LEF1: variants seen among roughly 807,000 people sequenced by gnomAD.
LEF1 encodes lymphoid enhancer binding factor 1, also known as lymphoid enhancer-binding factor 1.
LEF1 carries 14 observed loss-of-function variants against 51.2 expected under a neutral mutation model. The observed-to-expected ratio is 0.27, with a 90% CI of 0.18 to 0.43. LEF1 has a LOEUF of 0.43. Ranked by LOEUF, LEF1 falls within the 20% of genes least tolerant of loss-of-function variation. LEF1 has a pLI of 1.00. For synonymous variants in LEF1, 185 were observed against 183.2 expected (o/e 1.01, Z -0.08); for missense variants, 386 against 512.0 (o/e 0.75, Z 2.37).
At chr4:108,110,821 GGCT>G (rs1374986176) in intron 3 of LEF1, among the ~76,000 whole-genome samples, 2 of 152,144 alleles carry the variant, frequency 1.3e-5, no homozygotes, top group Non-Finnish European at 2.9e-5. Flanking sequence ...AGCCCTTCAT[GGCT>G]GCTTAGTAAG....
chr4:108,149,185 C>T (rs999711478), intron 3 of LEF1, among the ~76,000 whole-genome samples: 8 of 152,206 alleles, frequency 5.3e-5, no homozygotes, highest in African/African-American at 1.2e-4. Context: ...ATTGGCCGGG[C>T]GCGGTGGCTC....
chr4:108,119,121 A>T (rs1330868216), intron 3 of LEF1, among the ~76,000 whole-genome samples: 2 of 148,992 alleles, frequency 1.3e-5, no homozygotes, highest in Non-Finnish European at 3.0e-5. Context: ...CAAGCAGGTC[A>T]GCTATACAGA....
intron 3 of LEF1, among the ~76,000 whole-genome samples, chr4:108,150,581 A>T (rs1744309222): frequency 1.3e-5 from 2 of 152,206 alleles, no homozygotes; most frequent in Non-Finnish European, 2.9e-5. Context: ...GATACCTTTA[A>T]TCCTCAAAGT....
intron 3 of LEF1, among the ~76,000 whole-genome samples, chr4:108,116,200 G>C (rs1363326614): frequency 1.3e-5 from 2 of 152,114 alleles, no homozygotes; most frequent in African/African-American, 4.8e-5. Flanking sequence ...GGACTCAGCT[G>C]ACAGGAAAGA....
intron 10 of LEF1, among the ~76,000 whole-genome samples, chr4:108,063,932 CAA>C (rs1328593270): frequency 4.6e-5 from 7 of 152,092 alleles, no homozygotes; most frequent in Admixed American, 4.6e-4. Context: ...ACCCAAATCA[CAA>C]AAGAGATTCT....
intron 4 of LEF1, among the ~76,000 whole-genome samples, chr4:108,084,531 C>G (rs72894354): frequency 0.033 from 4,951 of 152,204 alleles, 265 homozygotes; most frequent in African/African-American, 0.11. Flanking sequence ...ATACTGAAAG[C>G]CTTCACATTG....
intron 3 of LEF1, among the ~76,000 whole-genome samples, chr4:108,159,991 G>C (rs1744966903): frequency 6.6e-6 from 1 of 152,216 alleles, no homozygotes; most frequent in Non-Finnish European, 1.5e-5. Context: ...ATTGTGGTTT[G>C]ATGTGACTGA....
chr4:108,105,692 C>A (rs1035918259), intron 3 of LEF1, among the ~76,000 whole-genome samples: 3 of 152,044 alleles, frequency 2.0e-5, no homozygotes, highest in Non-Finnish European at 4.4e-5. Context: ...TCTCTATAGA[C>A]CTGGTGAAAT....
At chr4:108,138,184 C>T (rs551899794) in intron 3 of LEF1, among the ~76,000 whole-genome samples, 1 of 152,054 alleles carries the variant, frequency 6.6e-6, no homozygotes, top group African/African-American at 2.4e-5. Flanking sequence ...TGTGGAATTT[C>T]GAATATCAAA....
At chr4:108,160,903 C>T (rs573187697) in intron 3 of LEF1, among the ~76,000 whole-genome samples, 2 of 152,122 alleles carry the variant, frequency 1.3e-5, no homozygotes, top group African/African-American at 4.8e-5. Flanking sequence ...GTCCCTCCCC[C>T]ACCCCAGGTG....
intron 4 of LEF1, among the ~76,000 whole-genome samples, 185 bp from the exon 5 acceptor site, chr4:108,083,631 C>A (rs1174306972): frequency 6.6e-6 from 1 of 152,168 alleles, no homozygotes; most frequent in Non-Finnish European, 1.5e-5. Context: ...GAAAACTGGG[C>A]CTTCAGAGAG....
At chr4:108,154,735 T>C (rs1169208703) in intron 3 of LEF1, among the ~76,000 whole-genome samples, 1 of 152,152 alleles carries the variant, frequency 6.6e-6, no homozygotes, top group Non-Finnish European at 1.5e-5. Flanking sequence ...TTTCCCTCGA[T>C]CCAGGTCATT....
At chr4:108,106,200 G>A (rs1741155600) in intron 3 of LEF1, among the ~76,000 whole-genome samples, 1 of 152,166 alleles carries the variant, frequency 6.6e-6, no homozygotes, top group Admixed American at 6.5e-5. Context: ...GCTATCCCAA[G>A]GAAGCATGAC....
chr4:108,152,199 A>T (rs1216477230), intron 3 of LEF1, among the ~76,000 whole-genome samples: 1 of 152,212 alleles, frequency 6.6e-6, no homozygotes, highest in Admixed American at 6.5e-5. Context: ...TTAAGGATGG[A>T]CAAGACCCTG....
In LEF1 at chr4:108,048,551, A is replaced by G. The variant is rs565809554; in HGVS notation, c.*207T>C. 1.9e-6 allele frequency: 1 copy of G among 521,550 alleles called. No individual in the cohort carries two copies. The highest frequency in any genetic ancestry group is 3.9e-5 in the Admixed American group (1 of 25,350). 32.3% of individuals were successfully genotyped at this position (521,550 alleles called of 1,614,324 possible). ...TGGAACTTGGCTCTTGCAGTAGACGAAAGAGGGGTTGGCAGTGATTGTCTT... is the reference window on the plus strand; with the variant it reads ...TGGAACTTGGCTCTTGCAGTAGACGGAAGAGGGGTTGGCAGTGATTGTCTT... On this transcript the variant is annotated 3_prime_UTR_variant, in exon 12 of 12. Transcript: ENST00000265165.
intron 9 of LEF1, among the ~76,000 whole-genome samples, chr4:108,069,528 G>A (rs916032567): frequency 6.6e-6 from 1 of 152,134 alleles, no homozygotes; most frequent in African/African-American, 2.4e-5. Context: ...ATAGATGCTG[G>A]GGTACGATAA....
intron 3 of LEF1, among the ~76,000 whole-genome samples, chr4:108,131,665 C>T (rs1742906314): frequency 6.6e-6 from 1 of 152,152 alleles, no homozygotes; most frequent in African/African-American, 2.4e-5. Context: ...CTACTAGGCA[C>T]AATTATGGCT....
At chr4:108,131,492 A>T (rs886374655) in intron 3 of LEF1, among the ~76,000 whole-genome samples, 1 of 152,126 alleles carries the variant, frequency 6.6e-6, no homozygotes, top group African/African-American at 2.4e-5. Context: ...ACTTCCATAT[A>T]TCACTGGACA....
At chr4:108,050,003 G>T (rs1210174066) in intron 11 of LEF1, among the ~76,000 whole-genome samples, 1 of 152,218 alleles carries the variant, frequency 6.6e-6, no homozygotes, top group Non-Finnish European at 1.5e-5. Context: ...CTGCAAGCAG[G>T]TTAGCTAGTA....
Sources: allele counts gnomAD v4.1 joint callset (sites outside exome capture counted in the v4.1 genomes callset), GRCh38; gene constraint gnomAD v4.1.1; transcripts MANE v1.5; gene names NCBI Gene and HGNC (gene_info 2026-07-23, HGNC 2026-07-21).